The following MPP7 variants were observed in gnomAD, a reference collection of about 807,000 sequenced individuals.
MPP7 encodes MAGUK p55 scaffold protein 7.
In MPP7, 60 loss-of-function variants were observed where a neutral mutation model predicts 76.5. The observed-to-expected ratio is 0.78, with a 90% confidence interval of 0.64 to 0.97. MPP7 has a LOEUF of 0.97. Ranked by LOEUF, MPP7 falls within the 50% of genes least tolerant of loss-of-function variation. The pLI, the probability that MPP7 is intolerant of heterozygous loss-of-function variation, is 0.00. For synonymous variants in MPP7, 237 were observed against 244.5 expected, an observed-to-expected ratio of 0.97 and a Z score of 0.29; for missense variants, 641 against 694.0, an observed-to-expected ratio of 0.92 and a Z score of 0.86.
At chr10:28,224,880 T>A (rs538695824) in intron 2 of MPP7, among the ~76,000 whole-genome samples, 1 of 152,178 alleles carries the variant, frequency 6.6e-6, no homozygotes, top group Non-Finnish European at 1.5e-5. Context: ...AATAAAAATT[T>A]TTTAATTCTA....
At chr10:28,301,835 G>T (rs1394347292) in intron 1 of MPP7, among the ~76,000 whole-genome samples, 2 of 152,176 alleles carry the variant, frequency 1.3e-5, no homozygotes, top group Non-Finnish European at 2.9e-5. Context: ...GGCCATCGCT[G>T]TGACATTACC....
At chr10:28,178,868 G>A (rs1010656379) in intron 3 of MPP7, among the ~76,000 whole-genome samples, 2 of 152,130 alleles carry the variant, frequency 1.3e-5, no homozygotes, top group African/African-American at 4.8e-5. Context: ...CTTCTCAAAT[G>A]TACTGGAATT....
At chr10:28,112,061 A>G (rs1016439543) in intron 11 of MPP7, among the ~76,000 whole-genome samples, 8 of 152,234 alleles carry the variant, frequency 5.3e-5, no homozygotes, top group Non-Finnish European at 1.2e-4. Context: ...GACCAGTATT[A>G]GCAAATATCA....
chr10:28,245,661 AT>A (rs11372456), intron 1 of MPP7, among the ~76,000 whole-genome samples: 4 of 149,526 alleles, frequency 2.7e-5, no homozygotes, highest in Admixed American at 6.7e-5. Flanking sequence ...CTTTTATCAC[AT>A]TTTTTTTTTC....
chr10:28,221,032 C>A (rs1838486671), intron 2 of MPP7, among the ~76,000 whole-genome samples: 1 of 152,074 alleles, frequency 6.6e-6, no homozygotes, highest in South Asian at 2.1e-4. Context: ...CCAAGAACAA[C>A]CTGTTACACA....
intron 3 of MPP7, among the ~76,000 whole-genome samples, chr10:28,165,673 A>T (rs1174975617): frequency 3.9e-5 from 6 of 152,316 alleles, no homozygotes; most frequent in Non-Finnish European, 8.8e-5. Flanking sequence ...TCTTCCAAAA[A>T]TCATTTTGAT....
At chr10:28,240,336 T>C (rs1839226358) in intron 1 of MPP7, among the ~76,000 whole-genome samples, 1 of 152,160 alleles carries the variant, frequency 6.6e-6, no homozygotes, top group East Asian at 1.9e-4. Flanking sequence ...TTGCCAAATT[T>C]TACTTTAAAA....
intron 2 of MPP7, among the ~76,000 whole-genome samples, chr10:28,207,879 C>T (rs374858566): frequency 6.7e-4 from 102 of 152,058 alleles, no homozygotes; most frequent in South Asian, 5.2e-3. Context: ...ACTAAATTTC[C>T]GTAAAACTGA....
chr10:28,324,597 C>G (rs1347815526), intron 2 of MPP7, among the ~76,000 whole-genome samples: 2 of 152,042 alleles, frequency 1.3e-5, no homozygotes, highest in Non-Finnish European at 2.9e-5. Context: ...ATAGGATAAC[C>G]AAATATACTG....
intron 1 of MPP7, among the ~76,000 whole-genome samples, chr10:28,256,772 A>T (rs1252701895): frequency 6.6e-6 from 1 of 152,216 alleles, no homozygotes; most frequent in Non-Finnish European, 1.5e-5. Flanking sequence ...GTAAGTCTCA[A>T]AGCCTATTTA....
chr10:28,079,409 T>C (rs1852652921), intron 12 of MPP7, among the ~76,000 whole-genome samples: 1 of 151,066 alleles, frequency 6.6e-6, no homozygotes, highest in Non-Finnish European at 1.5e-5. Flanking sequence ...TCCCAGTTAC[T>C]TGGGAGGCTG....
At chr10:28,195,815 T>C (rs1459541560) in intron 3 of MPP7, among the ~76,000 whole-genome samples, 1 of 152,120 alleles carries the variant, frequency 6.6e-6, no homozygotes, top group Non-Finnish European at 1.5e-5. Flanking sequence ...AAACTGATTG[T>C]GGGGATAGGA....
At chr10:28,261,272 C>T (rs977339361) in intron 1 of MPP7, among the ~76,000 whole-genome samples, 8 of 152,154 alleles carry the variant, frequency 5.3e-5, no homozygotes, top group Non-Finnish European at 1.0e-4. Flanking sequence ...CATGACTTAA[C>T]GAAAGACTGC....
At chr10:28,172,468 T>A (rs1452894738) in intron 3 of MPP7, among the ~76,000 whole-genome samples, 1 of 152,258 alleles carries the variant, frequency 6.6e-6, no homozygotes, top group Admixed American at 6.5e-5. Context: ...ATTGTATTTC[T>A]ACTCCCGAAG....
At chr10:28,166,023 C>CAAAAAAAAAAAAAAAAAAAA (rs9299600) in intron 3 of MPP7, among the ~76,000 whole-genome samples, 2 of 99,962 alleles carry the variant, frequency 2.0e-5, no homozygotes, top group Non-Finnish European at 3.7e-5. Context: ...AGACTCATCT[C>CAAAAAAAAAAAAAAAAAAAA]AAAAAAAAAA....
At chr10:28,073,249 A>T (rs1852320621) in intron 12 of MPP7, among the ~76,000 whole-genome samples, 1 of 152,070 alleles carries the variant, frequency 6.6e-6, no homozygotes, top group African/African-American at 2.4e-5. Context: ...CATTCTTCAG[A>T]TCTATCAGAT....
chr10:28,264,625 C>T (rs1423033950), intron 1 of MPP7, among the ~76,000 whole-genome samples: 1 of 149,700 alleles, frequency 6.7e-6, no homozygotes, highest in African/African-American at 2.5e-5. Flanking sequence ...AAGAAAAAGA[C>T]AGAAAGTCTG....
At chr10:28,332,246 C>A (rs74847287) in intron 1 of MPP7, among the ~76,000 whole-genome samples, 3 of 146,794 alleles carry the variant, frequency 2.0e-5, no homozygotes, top group East Asian at 2.0e-4. Context: ...CAAATGTATG[C>A]GTGTGTGTGT....
chr10:28,255,834 A>G (rs1431515056), intron 1 of MPP7, among the ~76,000 whole-genome samples: 1 of 152,220 alleles, frequency 6.6e-6, no homozygotes, highest in East Asian at 1.9e-4. Context: ...AGGTTTATGG[A>G]CTAACTATGA....
Sources: gnomAD v4.1 joint callset for allele counts (sites outside exome capture counted in the v4.1 genomes callset) on GRCh38, gnomAD v4.1.1 for gene constraint, MANE v1.5 for transcripts, NCBI Gene and HGNC (gene_info 2026-07-23, HGNC 2026-07-21) for gene names.